Variants in ATP11C observed in about 807,000 individuals in gnomAD.
ATP11C encodes phospholipid-transporting ATPase IG.
In ATP11C, 36 loss-of-function variants were observed where a neutral mutation model predicts 97.4. The ratio of observed to expected loss-of-function variants is 0.37; its 90% CI spans 0.28 to 0.49. The LOEUF (loss-of-function observed/expected upper bound fraction) is 0.49. Among genes scored for constraint, ATP11C ranks in the 20% least tolerant of loss-of-function variants. ATP11C has a pLI of 0.98. For missense variants in ATP11C, 730 were observed against 824.6 expected (o/e 0.89, Z 1.40); for synonymous variants, 275 against 290.9 (o/e 0.95, Z 0.56).
chrX:139,743,199 TCTCTCTCTCG>T (rs1316378042), intron 26 of ATP11C, among the ~76,000 whole-genome samples: 2 of 110,121 alleles, frequency 1.8e-5, no homozygotes, highest in African/African-American at 3.3e-5. Context: ...ACACTCTCTC[TCTCTCTCTCG>T]CTCTCTCTCT....
intron 1 of ATP11C, among the ~76,000 whole-genome samples, chrX:139,908,214 T>C (rs1455986904): frequency 3.6e-5 from 4 of 111,336 alleles, no homozygotes; most frequent in African/African-American, 6.5e-5. Flanking sequence ...GCCTGACTCT[T>C]GCCCAACTCA....
At chrX:139,849,780 G>A (rs987616706) in intron 1 of ATP11C, among the ~76,000 whole-genome samples, 1 of 112,507 alleles carries the variant, frequency 8.9e-6, no homozygotes, top group Non-Finnish European at 1.9e-5. Flanking sequence ...AGATAGGACC[G>A]GAACCCTTAA....
intron 20 of ATP11C, among the ~76,000 whole-genome samples, chrX:139,767,287 G>A (rs192433403): frequency 3.6e-5 from 4 of 111,660 alleles, no homozygotes; most frequent in African/African-American, 1.3e-4. Context: ...TAGTCTGTGT[G>A]TAAAGTCATA....
chrX:139,808,359 TC>T (rs765426809), intron 5 of ATP11C, among the ~76,000 whole-genome samples: 1 of 110,887 alleles, frequency 9.0e-6, no homozygotes, highest in South Asian at 3.8e-4. Context: ...CCAAAGTTAA[TC>T]AAAGCCGACA....
intron 5 of ATP11C, among the ~76,000 whole-genome samples, chrX:139,806,589 C>T (rs1229909489): frequency 9.0e-6 from 1 of 110,795 alleles, no homozygotes; most frequent in Non-Finnish European, 1.9e-5. Context: ...TAACCAATTC[C>T]TAAAGACTGG....
intron 1 of ATP11C, among the ~76,000 whole-genome samples, chrX:139,827,883 T>G (rs2147885029): frequency 8.9e-6 from 1 of 112,035 alleles, no homozygotes; most frequent in East Asian, 2.8e-4. Flanking sequence ...CTGAAAGTAC[T>G]CCAGTCTGAA....
intron 1 of ATP11C, among the ~76,000 whole-genome samples, chrX:139,909,310 T>C (rs1289662116): frequency 2.7e-5 from 3 of 110,760 alleles, no homozygotes; most frequent in Admixed American, 1.9e-4. Flanking sequence ...TTTTTTGTAT[T>C]TTTAGTAAAG....
intron 2 of ATP11C, among the ~76,000 whole-genome samples, chrX:139,822,436 CAG>C (rs774164142): frequency 9.1e-6 from 1 of 109,781 alleles, no homozygotes; most frequent in South Asian, 3.9e-4. Context: ...TTTTTTGAGA[CAG>C]AGTCTCACTC....
chrX:139,777,256 A>G lies in ATP11C; in HGVS notation c.1953-2303T>C, dbSNP rs748495015. Among the ~76,000 whole-genome samples the G allele has an allele frequency of 4.5e-5, 5 of 110,991 alleles. No homozygotes were observed. The East Asian group carries it at 1.4e-3, about 32-fold the overall frequency. The stretch of plus-strand genomic sequence containing the variant: ...AAGGCAACTCAACGAGATCCAAGAG[A>G]AAGTTGAAACTCAACACAAAGAAAC... On this transcript the variant is annotated intron_variant, in intron 18 of 29. Transcript: ENST00000682941.
At chrX:139,776,213 T>C (rs769199780) in intron 18 of ATP11C, among the ~76,000 whole-genome samples, 1 of 112,373 alleles carries the variant, frequency 8.9e-6, no homozygotes, top group East Asian at 2.8e-4. Flanking sequence ...TGGTAGCGCA[T>C]ATGTACCTGG....
chrX:139,828,169 AT>A lies in ATP11C; in HGVS notation c.28-1347del, dbSNP rs2083570583. Among the ~76,000 whole-genome samples, 2 of 111,674 alleles carry A rather than the reference AT, an allele frequency of 1.8e-5. 1 individual carries two copies. The highest frequency in any genetic ancestry group is 7.5e-4 in the South Asian group (2 of 2,679). Reference sequence around the variant, plus strand: ...CCTGGAAAAAGTCAGTTAAGTATCTATGCTGGATAGCTTAGTTATTTATCTG... The same window carrying A: ...CCTGGAAAAAGTCAGTTAAGTATCTAGCTGGATAGCTTAGTTATTTATCTG... On this transcript the variant is annotated intron_variant, in intron 1 of 29. Coordinates refer to ENST00000682941, the MANE Select transcript of ATP11C (RefSeq NM_001353812.2).
In ATP11C at chrX:139,741,105, A is replaced by T. The variant is rs1344885727; in HGVS notation, c.3031-11T>A. On this transcript the variant is annotated splice_polypyrimidine_tract_variant and intron_variant, in intron 26 of 29. Transcript: ENST00000682941. ...GGTATCCAAGGCAAGCTGAAAAGAT[A>T]CAACACAAAAGATTTCACGACGGTT... 9.0e-7 allele frequency: 1 copy of T among 1,114,397 alleles called. No individual in the cohort carries two copies. The highest frequency in any genetic ancestry group is 3.0e-5 in the East Asian group (1 of 33,299). The allele number at this position is 1,114,397 out of a possible 1,213,427, so 91.8% of individuals were successfully genotyped here.
At chrX:139,747,350 A>G (rs190098143) in intron 24 of ATP11C, among the ~76,000 whole-genome samples, 1 of 111,656 alleles carries the variant, frequency 9.0e-6, no homozygotes, top group Non-Finnish European at 1.9e-5. Context: ...GAGCAGCATG[A>G]TATGTTGAAT....
chrX:139,930,267 T>C (rs1335973634), intron 1 of ATP11C, among the ~76,000 whole-genome samples: 2 of 110,263 alleles, frequency 1.8e-5, no homozygotes, highest in Non-Finnish European at 3.8e-5. Context: ...GCTTAATTAC[T>C]AGACTCTGAT....
At chrX:139,764,829 C>T (rs1323136159) in intron 20 of ATP11C, among the ~76,000 whole-genome samples, 1 of 111,862 alleles carries the variant, frequency 8.9e-6, no homozygotes, top group African/African-American at 3.3e-5. Flanking sequence ...CTCCCCTCAA[C>T]TTGGTTCTTC....
Position 139,891,948 on chromosome X carries a change from C to T in ATP11C, c.27+40068G>A, listed in dbSNP as rs187070868. On this transcript the variant is annotated intron_variant, in intron 1 of 29. Transcript: ENST00000682941. ...CTCAACACACTGCAACCTCCACCTC[C>T]CAGGTTCAAGCAATTCTCATGCCTC... Among the ~76,000 whole-genome samples the T allele has an allele frequency of 3.7e-3, 414 of 110,768 alleles. 1 individual carries two copies. The highest frequency in any genetic ancestry group is 6.0e-3 in the Admixed American group (62 of 10,334).
At chrX:139,913,345 T>C (rs1349076790) in intron 1 of ATP11C, among the ~76,000 whole-genome samples, 2 of 111,683 alleles carry the variant, frequency 1.8e-5, no homozygotes, top group Admixed American at 9.6e-5. Context: ...TTCTAGAGCA[T>C]AGTTACCAAC....
chrX:139,754,563 A>G (rs1455093518), intron 23 of ATP11C, among the ~76,000 whole-genome samples: 2 of 112,122 alleles, frequency 1.8e-5, no homozygotes, highest in Admixed American at 1.9e-4. Context: ...CTTCAGGCCA[A>G]TATCCTTGAT....
At chrX:139,760,608 C>T (rs1170444794) in intron 22 of ATP11C, among the ~76,000 whole-genome samples, 3 of 111,515 alleles carry the variant, frequency 2.7e-5, no homozygotes, top group Non-Finnish European at 5.6e-5. Flanking sequence ...ACTCTACCTA[C>T]AAACTAGAAT....
Sources: gnomAD v4.1 joint callset for allele counts (sites outside exome capture counted in the v4.1 genomes callset) on GRCh38, gnomAD v4.1.1 for gene constraint, MANE v1.5 for transcripts, NCBI Gene and HGNC (gene_info 2026-07-23, HGNC 2026-07-21) for gene names.